The following SCML4 variants were observed in gnomAD, a reference collection of about 807,000 sequenced individuals.
SCML4 encodes the protein sex comb on midleg-like protein 4.
SCML4 carries 34 observed loss-of-function variants against 41.1 expected under a neutral mutation model. The observed-to-expected ratio is 0.83, with a 90% CI of 0.63 to 1.10. The LOEUF (loss-of-function observed/expected upper bound fraction) is 1.10. Ranked by LOEUF, SCML4 falls within the 50% of genes least tolerant of loss-of-function variation. SCML4 has a pLI of 0.00. For synonymous variants in SCML4, 214 were observed against 220.9 expected (o/e 0.97, Z 0.28); for missense variants, 522 against 534.1 (o/e 0.98, Z 0.22).
At chr6:107,808,053 G>T (rs1396572834) in intron 1 of SCML4, among the ~76,000 whole-genome samples, 1 of 152,112 alleles carries the variant, frequency 6.6e-6, no homozygotes, top group Admixed American at 6.5e-5. Context: ...GAATTGAGTT[G>T]ACTTTTGCAC....
At chr6:107,777,730 A>G (rs1781069105) in intron 1 of SCML4, among the ~76,000 whole-genome samples, 1 of 151,850 alleles carries the variant, frequency 6.6e-6, no homozygotes, top group Admixed American at 6.6e-5. Flanking sequence ...GTTTCACCAG[A>G]CCCCAGAAAG....
intron 5 of SCML4, among the ~76,000 whole-genome samples, chr6:107,734,619 A>G (rs1776876882): frequency 6.6e-6 from 1 of 152,302 alleles, no homozygotes; most frequent in South Asian, 2.1e-4. Context: ...TTTTAGTTCA[A>G]TATTTTAAAA....
At chr6:107,813,911 C>T (rs1458444751) in intron 1 of SCML4, among the ~76,000 whole-genome samples, 1 of 152,210 alleles carries the variant, frequency 6.6e-6, no homozygotes, top group East Asian at 1.9e-4. Flanking sequence ...GCCTCTTTCT[C>T]TCTGTGTCTC....
rs1401251036 is a variant in SCML4 at position 107,703,861 on chromosome 6, G to A, written c.*1339C>T. ...CTTTTAAGGAAGAGAATATGCACAT[G>A]GCAAAGGCGAATTCATTTTGAAGAT... On this transcript the variant is annotated 3_prime_UTR_variant, in exon 8 of 8. Coordinates refer to ENST00000369020, the MANE Select transcript of SCML4 (RefSeq NM_198081.5). Among the ~76,000 whole-genome samples, 1 of 152,216 alleles carries A rather than the reference G, an allele frequency of 6.6e-6. No individual in the cohort carries two copies. The highest frequency in any genetic ancestry group is 2.4e-5 in the African/African-American group (1 of 41,450).
chr6:107,798,156 T>C (rs978940510), intron 1 of SCML4, among the ~76,000 whole-genome samples: 10 of 151,980 alleles, frequency 6.6e-5, no homozygotes, highest in African/African-American at 2.4e-4. Context: ...AAATCAGAAG[T>C]GTTTCCTCTG....
At chr6:107,734,714 G>C (rs1344825283) in intron 5 of SCML4, among the ~76,000 whole-genome samples, 2 of 152,136 alleles carry the variant, frequency 1.3e-5, no homozygotes, top group African/African-American at 4.8e-5. Flanking sequence ...CACATGGGGA[G>C]AATTAGGATG....
chr6:107,728,775 G>A (rs887383807), intron 5 of SCML4, among the ~76,000 whole-genome samples: 3 of 152,188 alleles, frequency 2.0e-5, no homozygotes, highest in Admixed American at 6.5e-5. Flanking sequence ...AGGATGTGCT[G>A]GTGGTTCCAA....
At chr6:107,805,493 A>T (rs1485252496) in intron 1 of SCML4, among the ~76,000 whole-genome samples, 1 of 152,158 alleles carries the variant, frequency 6.6e-6, no homozygotes, top group Non-Finnish European at 1.5e-5. Flanking sequence ...TCATACCCCC[A>T]TTTAAATGAA....
At chr6:107,785,566 G>T (rs1172033984) in intron 1 of SCML4, among the ~76,000 whole-genome samples, 1 of 152,198 alleles carries the variant, frequency 6.6e-6, no homozygotes, top group Non-Finnish European at 1.5e-5. Context: ...ACACTCTCAT[G>T]CTCAGAGAGG....
intron 1 of SCML4, among the ~76,000 whole-genome samples, chr6:107,815,648 A>T (rs1784506919): frequency 6.6e-6 from 1 of 152,208 alleles, no homozygotes; most frequent in African/African-American, 2.4e-5. Context: ...TCAGCCCCTG[A>T]TCACTTCTTT....
chr6:107,816,875 A>G (rs994884309), intron 1 of SCML4, among the ~76,000 whole-genome samples: 1 of 152,242 alleles, frequency 6.6e-6, no homozygotes, highest in Non-Finnish European at 1.5e-5. Flanking sequence ...CAGTGGCACC[A>G]TGGTTTCAGC....
chr6:107,837,805 C>A, the SCML4 span, among the ~76,000 whole-genome samples: 1 of 152,132 alleles, frequency 6.6e-6, no homozygotes, highest in Admixed American at 6.5e-5. Flanking sequence ...CCAGTTGCAA[C>A]TGACCCTCCA....
chr6:107,734,734 A>G (rs1238044519), intron 5 of SCML4, among the ~76,000 whole-genome samples: 9 of 152,154 alleles, frequency 5.9e-5, no homozygotes, highest in African/African-American at 2.2e-4. Flanking sequence ...GAGGACTCCT[A>G]CCCTGGAGAA....
At chr6:107,725,424 G>T (rs1343013130) in intron 5 of SCML4, among the ~76,000 whole-genome samples, 2 of 152,188 alleles carry the variant, frequency 1.3e-5, no homozygotes, top group Non-Finnish European at 2.9e-5. Flanking sequence ...TAGGTATACA[G>T]ATCAATGAAA....
chr6:107,705,072 G>T lies in SCML4; in HGVS notation c.*128C>A, dbSNP rs566009281. 8.1e-6 allele frequency: 7 copies of T among 865,718 alleles called. No homozygotes were observed. The South Asian group carries it at 9.2e-5, about 11-fold the overall frequency. 53.6% of individuals were successfully genotyped at this position (865,718 alleles called of 1,614,324 possible). A position where few individuals can be genotyped will look rare whatever the true frequency, so the allele number is the denominator to read the frequency against. On this transcript the variant is annotated 3_prime_UTR_variant, in exon 8 of 8. Transcript: ENST00000369020. ...CAAAGATTCACAAGTTTTATAAAAA[G>T]ACCACGTCTCTGTGGCTGTTAATTT...
At chr6:107,842,394 TGAGTA>T in the SCML4 span, among the ~76,000 whole-genome samples, 2 of 152,236 alleles carry the variant, frequency 1.3e-5, no homozygotes, top group African/African-American at 4.8e-5. Flanking sequence ...ATTCTGTTGC[TGAGTA>T]GAGTATTGTA....
At position 107,703,395 on chromosome 6, in the gene SCML4, T is replaced by C. The variant is rs1005023805; in HGVS notation, c.*1805A>G. 2.0e-5 allele frequency among the ~76,000 whole-genome samples: 3 copies of C among 152,170 alleles called. No homozygotes were observed. Among genetic ancestry groups the C allele is most frequent in the African/African-American group, 7.2e-5 (3 of 41,424 alleles). On this transcript the variant is annotated 3_prime_UTR_variant, in exon 8 of 8. Coordinates refer to ENST00000369020, the MANE Select transcript of SCML4 (RefSeq NM_198081.5). ...TCAAGCTCAATTCAGTGAGCAAGTT[T>C]AGTACATTCTCCTCCTCCCCTTCTC...
chr6:107,750,941 A>G (rs1778560871), intron 2 of SCML4, among the ~76,000 whole-genome samples: 1 of 152,238 alleles, frequency 6.6e-6, no homozygotes, highest in Non-Finnish European at 1.5e-5. Context: ...TTTTTAGGAT[A>G]GAATACTAAT....
At chr6:107,814,828 C>T (rs183621080) in intron 1 of SCML4, among the ~76,000 whole-genome samples, 9 of 152,280 alleles carry the variant, frequency 5.9e-5, no homozygotes, top group East Asian at 1.9e-4. Flanking sequence ...GCTGGGATTA[C>T]GAGCGTGAGC....
Sources: gnomAD v4.1 joint callset for allele counts (sites outside exome capture counted in the v4.1 genomes callset) on GRCh38, gnomAD v4.1.1 for gene constraint, MANE v1.5 for transcripts, NCBI Gene and HGNC (gene_info 2026-07-23, HGNC 2026-07-21) for gene names.